KCNIP4: variants seen among roughly 807,000 people sequenced by gnomAD.
KCNIP4 encodes potassium voltage-gated channel interacting protein 4.
In KCNIP4, 12 loss-of-function variants were observed where a neutral mutation model predicts 34.0. The ratio of observed to expected loss-of-function variants is 0.35; its 90% CI spans 0.23 to 0.57. The LOEUF (loss-of-function observed/expected upper bound fraction) is 0.57. Among genes scored for constraint, KCNIP4 ranks in the 20% least tolerant of loss-of-function variants. The pLI, the probability that KCNIP4 is intolerant of heterozygous loss-of-function variation, is 0.83. For synonymous variants in KCNIP4, 124 were observed against 102.2 expected, an observed-to-expected ratio of 1.21 and a Z score of -1.29; for missense variants, 238 against 311.7, an observed-to-expected ratio of 0.76 and a Z score of 1.78.
intron 1 of KCNIP4, among the ~76,000 whole-genome samples, chr4:21,374,166 A>T (rs562985136): frequency 1.7e-4 from 25 of 147,354 alleles, no homozygotes; most frequent in Non-Finnish European, 2.9e-4. Flanking sequence ...AACCAACATG[A>T]CTAACCACAA....
chr4:21,387,145 C>G (rs1722103414), intron 1 of KCNIP4, among the ~76,000 whole-genome samples: 1 of 152,088 alleles, frequency 6.6e-6, no homozygotes, highest in Admixed American at 6.6e-5. Context: ...TCAATTGATG[C>G]CATTGCCTTC....
chr4:21,042,196 T>C (rs1019515644), intron 1 of KCNIP4, among the ~76,000 whole-genome samples: 1 of 152,198 alleles, frequency 6.6e-6, no homozygotes, highest in African/African-American at 2.4e-5. Flanking sequence ...ACTGGGTATA[T>C]ATCCAAAGTA....
intron 1 of KCNIP4, among the ~76,000 whole-genome samples, chr4:21,280,220 C>A (rs2109164347): frequency 6.6e-6 from 1 of 152,286 alleles, no homozygotes; most frequent in South Asian, 2.1e-4. Context: ...AACACAGCAA[C>A]TATGTAATGC....
intron 1 of KCNIP4, among the ~76,000 whole-genome samples, chr4:21,268,032 T>A (rs1371661205): frequency 6.6e-6 from 1 of 152,184 alleles, no homozygotes; most frequent in Non-Finnish European, 1.5e-5. Context: ...TCAGATCCTG[T>A]TATTGGTCTA....
intron 2 of KCNIP4, among the ~76,000 whole-genome samples, chr4:20,864,709 G>A (rs1025039242): frequency 6.6e-6 from 1 of 152,110 alleles, no homozygotes; most frequent in Admixed American, 6.6e-5. Flanking sequence ...AACTCTGTGA[G>A]AATTGAAAGG....
At chr4:21,736,560 G>C (rs567422666) in intron 1 of KCNIP4, among the ~76,000 whole-genome samples, 1 of 152,152 alleles carries the variant, frequency 6.6e-6, no homozygotes, top group African/African-American at 2.4e-5. Context: ...CCCACATTTT[G>C]AGGCTTTATG....
chr4:21,018,964 A>T (rs1488268914), intron 1 of KCNIP4, among the ~76,000 whole-genome samples: 1 of 152,134 alleles, frequency 6.6e-6, no homozygotes, highest in Non-Finnish European at 1.5e-5. Flanking sequence ...AAAATACCAC[A>T]CATCGGGTGG....
At chr4:21,148,932 A>T (rs2109238241) in intron 1 of KCNIP4, among the ~76,000 whole-genome samples, 1 of 152,354 alleles carries the variant, frequency 6.6e-6, no homozygotes, top group East Asian at 1.9e-4. Context: ...AATGTGAATT[A>T]AATTGGCTTT....
intron 1 of KCNIP4, among the ~76,000 whole-genome samples, chr4:21,363,899 A>G (rs1719466921): frequency 6.6e-6 from 1 of 152,188 alleles, no homozygotes; most frequent in Non-Finnish European, 1.5e-5. Flanking sequence ...TCCAAATCAG[A>G]AAGTAAATAC....
chr4:20,915,588 A>C (rs1274316260), intron 1 of KCNIP4, among the ~76,000 whole-genome samples: 1 of 152,052 alleles, frequency 6.6e-6, no homozygotes, highest in East Asian at 1.9e-4. Flanking sequence ...GCTTCAAGCC[A>C]CTCTAGGACA....
intron 1 of KCNIP4, among the ~76,000 whole-genome samples, chr4:21,059,280 T>C (rs1359927234): frequency 6.6e-6 from 1 of 152,206 alleles, no homozygotes; most frequent in East Asian, 1.9e-4. Context: ...TGTACTTCTG[T>C]ACTCCCTCTT....
chr4:21,881,082 T>C (rs997457782), intron 1 of KCNIP4, among the ~76,000 whole-genome samples: 2 of 152,180 alleles, frequency 1.3e-5, no homozygotes, highest in African/African-American at 4.8e-5. Flanking sequence ...TTACAGTGAA[T>C]TATAATATTT....
At chr4:20,786,842 T>C (rs1272578854) in intron 3 of KCNIP4, among the ~76,000 whole-genome samples, 1 of 93,888 alleles carries the variant, frequency 1.1e-5, no homozygotes, top group Admixed American at 1.1e-4. Context: ...GATACAGTTC[T>C]TTATCTTTAT....
intron 1 of KCNIP4, among the ~76,000 whole-genome samples, chr4:21,707,587 C>A (rs1713384720): frequency 6.6e-6 from 1 of 152,042 alleles, no homozygotes; most frequent in Non-Finnish European, 1.5e-5. Flanking sequence ...AAAACTCTGT[C>A]TGAAGTCCTC....
intron 1 of KCNIP4, among the ~76,000 whole-genome samples, chr4:21,254,497 A>C (rs565864837): frequency 2.0e-5 from 3 of 152,184 alleles, no homozygotes; most frequent in Admixed American, 1.3e-4. Flanking sequence ...ATTTAAAATC[A>C]TTCCTCCAAG....
At chr4:21,000,482 C>T (rs372265850) in intron 1 of KCNIP4, among the ~76,000 whole-genome samples, 2 of 151,816 alleles carry the variant, frequency 1.3e-5, no homozygotes, top group African/African-American at 4.8e-5. Flanking sequence ...GTCAGGAGTT[C>T]GAGACCAGCC....
At chr4:20,839,333 T>C (rs1719440780) in intron 3 of KCNIP4, among the ~76,000 whole-genome samples, 1 of 151,968 alleles carries the variant, frequency 6.6e-6, no homozygotes, top group Admixed American at 6.6e-5. Flanking sequence ...GATCTATAGA[T>C]ATAGATATAC....
intron 1 of KCNIP4, among the ~76,000 whole-genome samples, chr4:20,992,278 GA>G (rs1418875930): frequency 6.6e-6 from 1 of 152,168 alleles, no homozygotes; most frequent in Non-Finnish European, 1.5e-5. Flanking sequence ...AGGGTGGCAG[GA>G]TGGAGTGGGT....
chr4:21,367,475 C>CTTAT (rs1719903428), intron 1 of KCNIP4, among the ~76,000 whole-genome samples: 1 of 130,806 alleles, frequency 7.6e-6, no homozygotes, highest in Middle Eastern at 3.2e-3. Context: ...CTCTACCTAA[C>CTTAT]TGGACATACT....
Sources: allele counts gnomAD v4.1 joint callset (sites outside exome capture counted in the v4.1 genomes callset), GRCh38; gene constraint gnomAD v4.1.1; transcripts MANE v1.5; gene names NCBI Gene and HGNC (gene_info 2026-07-23, HGNC 2026-07-21).